The following HAUS5 variants were observed in gnomAD, a reference collection of about 807,000 sequenced individuals.
The protein encoded by HAUS5 is HAUS augmin-like complex subunit 5.
Under a neutral mutation model 94.1 loss-of-function variants are expected in HAUS5, and 67 were observed. The observed-to-expected ratio is 0.71, with a 90% confidence interval of 0.58 to 0.87. The LOEUF is 0.87. Ranked by LOEUF, HAUS5 falls within the 40% of genes least tolerant of loss-of-function variation. The pLI is 0.00. For missense variants in HAUS5, 739 were observed against 825.6 expected (o/e 0.90, Z 1.29); for synonymous variants, 339 against 355.4 (o/e 0.95, Z 0.52).
At chr19:35,612,923 C>T (rs2071908267) in intron 1 of HAUS5, 31 bp downstream of exon 1, 1 of 1,408,468 alleles carries the variant, frequency 7.1e-7, no homozygotes, top group Admixed American at 2.8e-5. Flanking sequence ...GAGGACACCC[C>T]ACCCTGGAGA....
chr19:35,623,934 T>TA lies in HAUS5; in HGVS notation c.*942dup, dbSNP rs1292746588. 2 of 152,180 alleles carry TA rather than the reference T, an allele frequency of 1.3e-5. No homozygotes were observed. Among genetic ancestry groups the TA allele is most frequent in the Non-Finnish European group, 2.9e-5 (2 of 68,026 alleles). The allele number at this position is 152,180 out of a possible 1,614,324, so 9.4% of individuals were successfully genotyped here. A position where few individuals can be genotyped will look rare whatever the true frequency, so the allele number is the denominator to read the frequency against. ...TACTCAATTTATAAAGCAAAGCCCTTACACTTTTGAGATGCCACCTTTTTA... is the reference window on the plus strand; with the variant it reads ...TACTCAATTTATAAAGCAAAGCCCTTAACACTTTTGAGATGCCACCTTTTTA... On this transcript the variant is annotated 3_prime_UTR_variant, in exon 19 of 19. Transcript: ENST00000203166.
chr19:35,620,067 C>T lies in HAUS5; in HGVS notation c.1462C>T (p.Pro488Ser). ...CATCCACCAGCTGCACCCCGCGTCCCCAAGGGGCTCCAGCTTCATAGCGCT... is the reference window on the plus strand; with the variant it reads ...CATCCACCAGCTGCACCCCGCGTCCTCAAGGGGCTCCAGCTTCATAGCGCT... Reference protein sequence around the residue: ...PSIHQLHPASPRGSSFIALSH... With the variant: ...PSIHQLHPASSRGSSFIALSH... Residue 488 changes from proline (P) to serine (S), a missense_variant, in exon 16 of 19, where the codon CCA becomes TCA. By Grantham distance (74) the Pro-to-Ser change is moderately conservative. Coordinates refer to ENST00000203166, the MANE Select transcript of HAUS5 (RefSeq NM_015302.2). 1 of 1,613,970 alleles carries T rather than the reference C, an allele frequency of 6.2e-7. No individual in the cohort carries two copies. The highest frequency in any genetic ancestry group is 8.5e-7 in the Non-Finnish European group (1 of 1,179,940).
chr19:35,619,399 G>T, intron 13 of HAUS5, 25 bp from the exon 14 acceptor site: 1 of 1,548,784 alleles, frequency 6.5e-7, no homozygotes, highest in South Asian at 1.2e-5. Flanking sequence ...GGAGGAGTGG[G>T]TCTCAGGGTA....
chr19:35,615,619 C>T (rs912900816), intron 6 of HAUS5, among the ~76,000 whole-genome samples: 1 of 152,220 alleles, frequency 6.6e-6, no homozygotes, highest in African/African-American at 2.4e-5. Flanking sequence ...AAACAGAGAA[C>T]ATGTCCCTGC....
In HAUS5 at chr19:35,622,660, C is replaced by T; in HGVS notation, c.1711C>T (p.Leu571=). 1.9e-6 allele frequency: 3 copies of T among 1,614,022 alleles called. No individual in the cohort carries two copies. Among genetic ancestry groups the T allele is most frequent in the Non-Finnish European group, 2.5e-6 (3 of 1,179,996 alleles). Residue 571 remains leucine, a synonymous_variant, in exon 18 of 19, where the codon CTG becomes TTG. Coordinates refer to ENST00000203166, the MANE Select transcript of HAUS5 (RefSeq NM_015302.2). Reference sequence around the variant, plus strand: ...GCAGAAAGAGAACCTGGGGCAGGCTCTGAAGAGGCTGGAGAAGCTACTGAA... The same window carrying T: ...GCAGAAAGAGAACCTGGGGCAGGCTTTGAAGAGGCTGGAGAAGCTACTGAA... ...KQQKENLGQA[L]KRLEKLLKQA... is the part of the protein sequence containing the mutation.
rs748225589 is a variant in HAUS5, at chr19:35,622,927, G to A, written c.1836G>A (p.Leu612=). The change falls in exon 19 of 19, where the codon CTG becomes CTA. Residue 612 remains leucine, a synonymous_variant. Transcript: ENST00000203166. ...AALSEELCQG[L]SLPQWRLRWV... is the part of the protein sequence containing the mutation. ...TCTCTGAGGAGCTCTGCCAGGGCCT[G>A]TCCCTGCCCCAGTGGCGGCTGCGCT... 3.8e-5 allele frequency: 62 copies of A among 1,613,932 alleles called. No homozygotes were observed. Among genetic ancestry groups the A allele is most frequent in the Non-Finnish European group, 5.1e-6 (6 of 1,180,008 alleles).
At position 35,615,285 on chromosome 19, in the gene HAUS5, C is replaced by T. The variant is rs1480877786; in HGVS notation, c.384C>T (p.Leu128=). 11 of 1,613,906 alleles carry T rather than the reference C, an allele frequency of 6.8e-6. No homozygotes were observed. The highest frequency in any genetic ancestry group is 1.1e-5 in the South Asian group (1 of 91,072). The change falls in exon 6 of 19, where the codon CTC becomes CTT. Residue 128 remains leucine (L), a synonymous_variant. Transcript: ENST00000203166. The stretch of plus-strand genomic sequence containing the variant: ...AAGACACCCAGCGTCGAGCTCTCCT[C>T]CTCCGGGCCCAAGCTGGGGCCATGC... The part of the protein sequence containing the change: ...HTQDTQRRAL[L]LRAQAGAMRR...
At chr19:35,617,971 G>A (rs960919389) in intron 9 of HAUS5, 59 bp downstream of exon 9, 2 of 1,609,080 alleles carry the variant, frequency 1.2e-6, no homozygotes, top group East Asian at 4.5e-5. Flanking sequence ...CAAAACTTAG[G>A]GTGCCAGGAC....
In HAUS5 at chr19:35,615,089, A is replaced by G; in HGVS notation, c.267A>G (p.Ala89=). 1 of 1,607,586 alleles carries G rather than the reference A, an allele frequency of 6.2e-7. No homozygotes were observed. The highest frequency in any genetic ancestry group is 8.5e-7 in the Non-Finnish European group (1 of 1,176,934). ...ELEAAVTRLR[A]EIQELDQSLE... Reference sequence around the variant, plus strand: ...AAGCTGCTGTGACCCGCCTGCGGGCAGAAATCCAGGAACTCGACCAGAGCC... The same window carrying G: ...AAGCTGCTGTGACCCGCCTGCGGGCGGAAATCCAGGAACTCGACCAGAGCC... The change falls in exon 5 of 19, where the codon GCA becomes GCG. Residue 89 remains alanine (A), a synonymous_variant. Transcript: ENST00000203166.
chr19:35,614,512 A>T (rs2071924085), intron 4 of HAUS5, among the ~76,000 whole-genome samples: 1 of 152,210 alleles, frequency 6.6e-6, no homozygotes, highest in South Asian at 2.1e-4. Context: ...TGAACCTGGG[A>T]GGCAGAGGTT....
intron 4 of HAUS5, 36 bp downstream of exon 4, chr19:35,614,095 G>A (rs377683291): frequency 6.5e-5 from 104 of 1,596,546 alleles, no homozygotes; most frequent in Admixed American, 3.3e-5. Flanking sequence ...TCTTTCATCC[G>A]AAAAATGACT....
At chr19:35,619,584 G>GGGCCCCCCCCCC in intron 14 of HAUS5, 29 bp from the exon 15 acceptor site, 20 of 1,533,764 alleles carry the variant, frequency 1.3e-5, no homozygotes, top group Middle Eastern at 1.8e-4. Flanking sequence ...ATGTTGTGAT[G>GGGCCCCCCCCCC]CCCCACCCAC....
chr19:35,617,519 T>C, intron 8 of HAUS5, 150 bp downstream of exon 8: 1 of 626,746 alleles, frequency 1.6e-6, no homozygotes, highest in Non-Finnish European at 2.8e-6. Flanking sequence ...CAGTCTCTCA[T>C]CACAAACAGT....
Position 35,623,026 on chromosome 19 carries a change from C to T in HAUS5, c.*33C>T, listed in dbSNP as rs1171373417. On this transcript the variant is annotated 3_prime_UTR_variant, in exon 19 of 19. Transcript: ENST00000203166. The stretch of plus-strand genomic sequence containing the variant: ...GTTCAAACGGAAGCCGAGAACTTGA[C>T]ACTGTTCACCCCAACACCTCACCTC... The T allele has an allele frequency of 2.9e-6, 4 of 1,373,252 alleles. No individual in the cohort carries two copies. Among genetic ancestry groups the T allele is most frequent in the Non-Finnish European group, 1.0e-6 (1 of 970,536 alleles). The allele number at this position is 1,373,252 out of a possible 1,614,324, so 85.1% of individuals were successfully genotyped here.
chr19:35,624,112 T>TTG lies in HAUS5; in HGVS notation c.*1120_*1121insGT, dbSNP rs1346431576. The TTG allele has an allele frequency of 1.1e-4, 16 of 144,674 alleles. No individual in the cohort carries two copies. The highest frequency in any genetic ancestry group is 1.7e-4 in the Non-Finnish European group (11 of 65,984). 9.0% of individuals were successfully genotyped at this position (144,674 alleles called of 1,614,324 possible). The stretch of plus-strand genomic sequence containing the variant: ...TTCTTGTTTTCTTTTGTTTTTTTTT[T>TTG]TTTTTTTTTTGAGATGCAGTCTCAT... On this transcript the variant is annotated 3_prime_UTR_variant, in exon 19 of 19. Transcript: ENST00000203166.
chr19:35,613,698 C>A, intron 1 of HAUS5, 32 bp from the exon 2 acceptor site: 4 of 1,602,434 alleles, frequency 2.5e-6, no homozygotes, highest in Non-Finnish European at 3.4e-6. Context: ...TGTGTGCTGC[C>A]CCAGGCATAT....
rs1454377441 is a variant in HAUS5, at chr19:35,623,824, GAGC to G, written c.*835_*837del. ...AGCTGATGGGAATGTGCTGTGTCAAGAGCAGCGGCGGTGACGCAGGTGTAGAGA... is the reference window on the plus strand; with the variant it reads ...AGCTGATGGGAATGTGCTGTGTCAAGAGCGGCGGTGACGCAGGTGTAGAGA... On this transcript the variant is annotated 3_prime_UTR_variant, in exon 19 of 19. Transcript: ENST00000203166. 2.0e-5 allele frequency: 3 copies of G among 152,232 alleles called. No homozygotes were observed. Among genetic ancestry groups the G allele is most frequent in the African/African-American group, 7.2e-5 (3 of 41,452 alleles). 9.4% of individuals were successfully genotyped at this position (152,232 alleles called of 1,614,324 possible).
In HAUS5 at chr19:35,615,275, G is replaced by T; in HGVS notation, c.374G>T (p.Arg125Leu). ...CAGCACACTCAAGACACCCAGCGTC[G>T]AGCTCTCCTCCTCCGGGCCCAAGCT... is the stretch of plus-strand genomic sequence containing the variant. ...ARQHTQDTQR[R>L]ALLLRAQAGA... The change falls in exon 6 of 19, where the codon CGA (arginine) becomes CTA (leucine). Residue 125 changes from arginine to leucine, a missense_variant. Coordinates refer to ENST00000203166, the MANE Select transcript of HAUS5 (RefSeq NM_015302.2). 6.2e-7 allele frequency: 1 copy of T among 1,613,964 alleles called. No individual in the cohort carries two copies. The highest frequency in any genetic ancestry group is 8.5e-7 in the Non-Finnish European group (1 of 1,179,994).
chr19:35,618,389 T>TCCCCC lies in HAUS5; in HGVS notation c.822-12_822-8dup. 6.2e-7 allele frequency: 1 copy of TCCCCC among 1,602,642 alleles called. No individual in the cohort carries two copies. The highest frequency in any genetic ancestry group is 8.5e-7 in the Non-Finnish European group (1 of 1,171,938). On this transcript the variant is annotated splice_polypyrimidine_tract_variant and intron_variant, in intron 10 of 18. Transcript: ENST00000203166. Reference sequence around the variant, plus strand: ...GCAGCACGGCTCCCTCAGCAGCTCTTCCCCCACCCCAGACCCCAGGCCCCG... The same window carrying TCCCCC: ...GCAGCACGGCTCCCTCAGCAGCTCTTCCCCCCCCCCACCCCAGACCCCAGGCCCCG...
Sources: allele counts gnomAD v4.1 joint callset (sites outside exome capture counted in the v4.1 genomes callset), GRCh38; gene constraint gnomAD v4.1.1; transcripts MANE v1.5; gene names NCBI Gene and HGNC (gene_info 2026-07-23, HGNC 2026-07-21).